The following KCNMB2 variants were observed in gnomAD, a reference collection of about 807,000 sequenced individuals.
KCNMB2 encodes potassium calcium-activated channel subfamily M regulatory beta subunit 2.
A neutral mutation model predicts 24.5 loss-of-function variants in KCNMB2; 9 were observed. The ratio of observed to expected loss-of-function variants is 0.37; its 90% CI spans 0.22 to 0.64. The LOEUF (loss-of-function observed/expected upper bound fraction) is 0.64. KCNMB2 is among the 30% of genes least tolerant of loss of function. The probability of loss-of-function intolerance (pLI) is 0.63; values close to 1 mark genes in which losing one functional copy is unlikely to be tolerated. For missense variants in KCNMB2, 226 were observed against 284.3 expected, an observed-to-expected ratio of 0.79 and a Z score of 1.47; for synonymous variants, 109 against 104.4, an observed-to-expected ratio of 1.04 and a Z score of -0.27.
At chr3:178,698,865 G>A (rs2108337550) in intron 1 of KCNMB2, among the ~76,000 whole-genome samples, 1 of 152,304 alleles carries the variant, frequency 6.6e-6, no homozygotes, top group Admixed American at 6.5e-5. Flanking sequence ...CTTTGTCTCT[G>A]GGAGATTTTA....
chr3:178,573,021 A>T (rs778125095), intron 1 of KCNMB2, among the ~76,000 whole-genome samples: 166 of 146,784 alleles, frequency 1.1e-3, no homozygotes, highest in Non-Finnish European at 1.7e-3. Flanking sequence ...TTGAGGAAGA[A>T]TTTTTTTTTT....
intron 1 of KCNMB2, among the ~76,000 whole-genome samples, chr3:178,639,721 T>C (rs962286072): frequency 5.5e-4 from 84 of 152,220 alleles, no homozygotes; most frequent in Non-Finnish European, 7.3e-5. Context: ...GAGTTATCAC[T>C]CACTTCTCAG....
At chr3:178,756,084 T>G (rs1724025218) in intron 1 of KCNMB2, among the ~76,000 whole-genome samples, 1 of 152,094 alleles carries the variant, frequency 6.6e-6, no homozygotes, top group Non-Finnish European at 1.5e-5. Flanking sequence ...GACAAATCAG[T>G]TCAACTGGAA....
intron 1 of KCNMB2, among the ~76,000 whole-genome samples, chr3:178,779,778 T>C (rs1712746828): frequency 6.6e-6 from 1 of 152,146 alleles, no homozygotes; most frequent in South Asian, 2.1e-4. Context: ...CTCTTTTTGA[T>C]AATAAAAATC....
chr3:178,614,269 A>ATGTATGTATG (rs1407944849), intron 1 of KCNMB2, among the ~76,000 whole-genome samples: 1 of 77,942 alleles, frequency 1.3e-5, no homozygotes, highest in Non-Finnish European at 2.4e-5. Flanking sequence ...ATATATATAT[A>ATGTATGTATG]TATATATATA....
intron 1 of KCNMB2, among the ~76,000 whole-genome samples, chr3:178,751,146 T>C (rs572213191): frequency 1.3e-5 from 2 of 152,282 alleles, no homozygotes; most frequent in Admixed American, 6.5e-5. Flanking sequence ...CAAATACTTA[T>C]CTATTGATGT....
intron 1 of KCNMB2, among the ~76,000 whole-genome samples, chr3:178,661,368 T>G (rs191905436): frequency 6.6e-6 from 1 of 152,324 alleles, no homozygotes; most frequent in Admixed American, 6.5e-5. Context: ...GTGCCACATT[T>G]TCTTTATCTA....
intron 1 of KCNMB2, among the ~76,000 whole-genome samples, chr3:178,774,139 A>G (rs1303221810): frequency 3.9e-5 from 6 of 152,208 alleles, no homozygotes; most frequent in South Asian, 4.1e-4. Context: ...GCCCACGAAC[A>G]TGGGCTCCAC....
chr3:178,608,500 C>T (rs114610390), intron 1 of KCNMB2, among the ~76,000 whole-genome samples: 4,540 of 152,234 alleles, frequency 0.03, 227 homozygotes, highest in African/African-American at 0.1. Context: ...ATGGGCTATC[C>T]ATCCATCAAA....
At chr3:178,572,908 C>G (rs534326989) in intron 1 of KCNMB2, among the ~76,000 whole-genome samples, 1 of 151,978 alleles carries the variant, frequency 6.6e-6, no homozygotes, top group Admixed American at 6.6e-5. Context: ...TAACTGGACA[C>G]GTTTTAAGTA....
chr3:178,610,001 C>T lies in KCNMB2; in HGVS notation c.-68+73290C>T, dbSNP rs116428164. Among the ~76,000 whole-genome samples the T allele has an allele frequency of 1.3e-3, 196 of 152,260 alleles. 2 individuals carry two copies. The highest frequency in any genetic ancestry group is 4.4e-3 in the African/African-American group (184 of 41,550). ...GTTTCAATCTTCTGCATGTGAATAT[C>T]CAGTTTTCTAGCACCATTTATTGAA... On this transcript the variant is annotated intron_variant, in intron 1 of 4. Coordinates refer to ENST00000452583, the MANE Select transcript of KCNMB2 (RefSeq NM_181361.3).
At chr3:178,800,108 T>C (rs1276763350) in intron 1 of KCNMB2, among the ~76,000 whole-genome samples, 1 of 152,074 alleles carries the variant, frequency 6.6e-6, no homozygotes, top group Non-Finnish European at 1.5e-5. Flanking sequence ...CTCCAGGACA[T>C]TGGTCTAGGC....
intron 1 of KCNMB2, among the ~76,000 whole-genome samples, chr3:178,565,951 T>C (rs1716502167): frequency 6.6e-6 from 1 of 152,152 alleles, no homozygotes; most frequent in Admixed American, 6.5e-5. Flanking sequence ...TTCAGAAATA[T>C]GTCCAAAGTT....
At chr3:178,659,837 C>T (rs1419781526) in intron 1 of KCNMB2, among the ~76,000 whole-genome samples, 1 of 152,276 alleles carries the variant, frequency 6.6e-6, no homozygotes, top group East Asian at 1.9e-4. Flanking sequence ...TGATCATTAT[C>T]ATTACTATTA....
chr3:178,616,533 T>C (rs1718711982), intron 1 of KCNMB2, among the ~76,000 whole-genome samples: 1 of 152,216 alleles, frequency 6.6e-6, no homozygotes, highest in Admixed American at 6.5e-5. Context: ...AAGCTGCTGC[T>C]GCCTGGGGTG....
At chr3:178,809,570 C>T (rs950459808) in intron 2 of KCNMB2, among the ~76,000 whole-genome samples, 1 of 152,168 alleles carries the variant, frequency 6.6e-6, no homozygotes, top group African/African-American at 2.4e-5. Context: ...TCTCCCTGTA[C>T]CCCAGTACCT....
At chr3:178,815,249 C>A (rs946185730) in intron 2 of KCNMB2, among the ~76,000 whole-genome samples, 2 of 151,988 alleles carry the variant, frequency 1.3e-5, no homozygotes, top group Non-Finnish European at 2.9e-5. Context: ...AGCAATCCTC[C>A]CACCTCGGCC....
chr3:178,761,886 A>T (rs951792276), intron 1 of KCNMB2, among the ~76,000 whole-genome samples: 3 of 152,162 alleles, frequency 2.0e-5, no homozygotes, highest in African/African-American at 7.2e-5. Flanking sequence ...AAGAACAGAA[A>T]GTAGGCTGGG....
chr3:178,546,835 A>G (rs1227815594), intron 1 of KCNMB2, among the ~76,000 whole-genome samples: 1 of 152,246 alleles, frequency 6.6e-6, no homozygotes, highest in Non-Finnish European at 1.5e-5. Context: ...TGTTGTGATC[A>G]AAATGGAGAA....
Sources: allele counts gnomAD v4.1 joint callset (sites outside exome capture counted in the v4.1 genomes callset), GRCh38; gene constraint gnomAD v4.1.1; transcripts MANE v1.5; gene names NCBI Gene and HGNC (gene_info 2026-07-23, HGNC 2026-07-21).